The following TNRC6A variants were observed in gnomAD, a reference collection of about 807,000 sequenced individuals.
TNRC6A encodes the protein trinucleotide repeat containing adaptor 6A.
A neutral mutation model predicts 221.2 loss-of-function variants in TNRC6A; 44 were observed. The observed-to-expected ratio is 0.20, with a 90% confidence interval of 0.16 to 0.26. TNRC6A has a LOEUF of 0.26. TNRC6A is among the 10% of genes least tolerant of loss of function. The pLI is 1.00. For missense variants in TNRC6A, 2,199 were observed against 2,404.4 expected, an observed-to-expected ratio of 0.91 and a Z score of 1.79; for synonymous variants, 847 against 838.5, an observed-to-expected ratio of 1.01 and a Z score of -0.18.
chr16:24,689,047 C>G (rs934193778), intron 2 of TNRC6A, among the ~76,000 whole-genome samples: 1 of 152,250 alleles, frequency 6.6e-6, no homozygotes, highest in Admixed American at 6.5e-5. Flanking sequence ...GCCTGTGCAA[C>G]AGAGCCAAGG....
intron 2 of TNRC6A, among the ~76,000 whole-genome samples, chr16:24,650,135 A>G (rs1902558351): frequency 6.6e-6 from 1 of 151,826 alleles, no homozygotes; most frequent in Non-Finnish European, 1.5e-5. Context: ...CCAGTCTCTT[A>G]ATTTACTATT....
At chr16:24,801,840 T>G (rs1464891910) in intron 11 of TNRC6A, among the ~76,000 whole-genome samples, 1 of 152,216 alleles carries the variant, frequency 6.6e-6, no homozygotes, top group African/African-American at 2.4e-5. Flanking sequence ...AAGGAACAGC[T>G]TGGAGAGAGA....
At chr16:24,690,909 G>A (rs1377793708) in intron 2 of TNRC6A, among the ~76,000 whole-genome samples, 1 of 151,234 alleles carries the variant, frequency 6.6e-6, no homozygotes, top group Non-Finnish European at 1.5e-5. Flanking sequence ...CTGGGTTCAC[G>A]CCATTCTCCT....
rs987379824 is a variant in TNRC6A, at chr16:24,789,338, C to G, written c.696C>G (p.Asp232Glu). The G allele has an allele frequency of 6.2e-7, 1 of 1,614,052 alleles. No individual in the cohort carries two copies. The highest frequency in any genetic ancestry group is 1.7e-5 in the Admixed American group (1 of 60,004). ...STNCKNAVVS[D>E]LSEKEAWPSA... ...ACTGTAAGAATGCTGTTGTAAGTGA[C>G]TTGTCGGAAAAAGAAGCATGGCCCT... is the stretch of plus-strand genomic sequence containing the variant. The change falls in exon 6 of 25, where the codon GAC becomes GAG. Residue 232 changes from aspartate to glutamate, a missense_variant. Asp to Glu is a conservative substitution (Grantham distance 45, BLOSUM62 2). Around this residue, in one of 8 missense-constraint regions of TNRC6A, gnomAD observed 1,405 missense variants for 1,400.2 expected, o/e 1.00. Transcript: ENST00000395799.
chr16:24,806,803 C>T lies in TNRC6A; in HGVS notation c.4540+19C>T, dbSNP rs752352664. 1 of 1,611,940 alleles carries T rather than the reference C, an allele frequency of 6.2e-7. No homozygotes were observed. Among genetic ancestry groups the T allele is most frequent in the South Asian group, 1.1e-5 (1 of 90,994 alleles). On this transcript the variant is annotated intron_variant, in intron 17 of 24. Transcript: ENST00000395799. ...CCTATAGGTGGGTTTCTCCTTGGCC[C>T]AAGTATTGGACTGATGCTTAGGTAT...
At chr16:24,729,918 CGGCGGCAGCAGA>C in intron 1 of TNRC6A, 72 bp downstream of exon 1, 1 of 1,190,414 alleles carries the variant, frequency 8.4e-7, no homozygotes, top group Non-Finnish European at 1.0e-6. Context: ...CAACCCGCGG[CGGCGGCAGCAGA>C]GGCGGCGGCG....
intron 2 of TNRC6A, among the ~76,000 whole-genome samples, chr16:24,643,187 A>C (rs1296108559): frequency 6.7e-6 from 1 of 148,348 alleles, no homozygotes; most frequent in East Asian, 2.0e-4. Flanking sequence ...CTATAGAGGA[A>C]GTAGGATGCT....
At chr16:24,744,766 TCCTC>T (rs1204276609) in intron 2 of TNRC6A, among the ~76,000 whole-genome samples, 3 of 152,186 alleles carry the variant, frequency 2.0e-5, no homozygotes, top group Non-Finnish European at 4.4e-5. Flanking sequence ...CTGTCTGTTG[TCCTC>T]TTTTGTGCTC....
At chr16:24,722,898 T>G (rs1223475970) in intron 2 of TNRC6A, among the ~76,000 whole-genome samples, 2 of 152,134 alleles carry the variant, frequency 1.3e-5, no homozygotes, top group Non-Finnish European at 2.9e-5. Flanking sequence ...GCTTATACAT[T>G]GCATGAGAGG....
chr16:24,664,832 A>C (rs905793119), intron 2 of TNRC6A: 1 of 454,096 alleles, frequency 2.2e-6, no homozygotes, highest in Non-Finnish European at 4.4e-6. Flanking sequence ...AAGAAATCCC[A>C]GAAACCTTTC....
chr16:24,692,881 T>C (rs1423984102), intron 2 of TNRC6A, among the ~76,000 whole-genome samples: 2 of 152,134 alleles, frequency 1.3e-5, no homozygotes, highest in Admixed American at 6.6e-5. Flanking sequence ...GGCACTAATA[T>C]TTATCACAGT....
intron 4 of TNRC6A, among the ~76,000 whole-genome samples, chr16:24,767,239 C>G (rs1287554441): frequency 6.6e-6 from 1 of 152,180 alleles, no homozygotes; most frequent in Admixed American, 6.5e-5. Flanking sequence ...GCTGAAGATG[C>G]AAATACATGT....
intron 4 of TNRC6A, chr16:24,776,634 G>A (rs570343774): frequency 4.5e-5 from 44 of 985,302 alleles, no homozygotes; most frequent in Non-Finnish European, 5.1e-5. Flanking sequence ...GTAATGATCC[G>A]ATGATGATGT....
chr16:24,656,261 G>A lies in TNRC6A; in HGVS notation n.402+15252G>A, dbSNP rs192858322. ...GTGGATCACCTGAGGTCAGGAGTTCGAAACCAGCCTGGCCAACATGGCAAA... is the reference window on the plus strand; with the variant it reads ...GTGGATCACCTGAGGTCAGGAGTTCAAAACCAGCCTGGCCAACATGGCAAA... On this transcript the variant is annotated intron_variant and non_coding_transcript_variant, in intron 2 of 2. Transcript: ENST00000566108. Among the ~76,000 whole-genome samples, 12 of 151,902 alleles carry A rather than the reference G, an allele frequency of 7.9e-5. No individual in the cohort carries two copies. The East Asian group carries it at 1.4e-3, about 17-fold the overall frequency.
intron 4 of TNRC6A, among the ~76,000 whole-genome samples, chr16:24,771,561 TTTATG>T (rs1555502086): frequency 1.8e-4 from 18 of 99,178 alleles, no homozygotes; most frequent in South Asian, 3.0e-4. Context: ...TATGTTATGT[TTTATG>T]TTATGTTATG....
At chr16:24,762,816 T>C (rs1452922352) in intron 4 of TNRC6A, among the ~76,000 whole-genome samples, 1 of 152,208 alleles carries the variant, frequency 6.6e-6, no homozygotes, top group Admixed American at 6.5e-5. Flanking sequence ...TCTGTTTCTT[T>C]AAAAACAGCC....
intron 2 of TNRC6A, among the ~76,000 whole-genome samples, chr16:24,650,381 T>C (rs1902571660): frequency 6.6e-6 from 1 of 152,038 alleles, no homozygotes; most frequent in Non-Finnish European, 1.5e-5. Flanking sequence ...AAAAAAGGGT[T>C]TGGCCAGGTG....
intron 2 of TNRC6A, among the ~76,000 whole-genome samples, chr16:24,716,955 C>CAA (rs141168433): frequency 2.3e-4 from 17 of 74,942 alleles, no homozygotes; most frequent in East Asian, 1.2e-3. Flanking sequence ...GACTCCATCT[C>CAA]AAAAAAAAAA....
chr16:24,764,528 G>A (rs2057431415), intron 4 of TNRC6A, among the ~76,000 whole-genome samples: 1 of 151,846 alleles, frequency 6.6e-6, no homozygotes. Flanking sequence ...TCACCATGTT[G>A]TCCAGGCTGG....
Sources: gnomAD v4.1 joint callset for allele counts (sites outside exome capture counted in the v4.1 genomes callset) on GRCh38, gnomAD v4.1.1 for gene constraint, gnomAD v4.1.1 regional missense constraint, MANE v1.5 for transcripts, NCBI Gene and HGNC (gene_info 2026-07-23, HGNC 2026-07-21) for gene names.